The following CUX1 variants were observed in gnomAD, a reference collection of about 807,000 sequenced individuals.
The protein encoded by CUX1 is cut like homeobox 1.
In CUX1, 31 loss-of-function variants were observed where a neutral mutation model predicts 158.8. The ratio of observed to expected loss-of-function variants is 0.20; its 90% CI spans 0.15 to 0.26. CUX1 has a LOEUF of 0.26. Ranked by LOEUF, CUX1 falls within the 10% of genes least tolerant of loss-of-function variation. CUX1 has a pLI of 1.00. For missense variants in CUX1, 1,589 were observed against 2,014.6 expected (o/e 0.79, Z 4.04); for synonymous variants, 879 against 862.1 (o/e 1.02, Z -0.34).
At chr7:102,131,108 CAAA>C (rs575289482) in intron 8 of CUX1, among the ~76,000 whole-genome samples, 12 of 65,720 alleles carry the variant, frequency 1.8e-4, no homozygotes, top group African/African-American at 4.2e-4. Flanking sequence ...GACTCCATCT[CAAA>C]AAAAAAAAAA....
chr7:101,945,538 G>A (rs1259597731), intron 2 of CUX1, among the ~76,000 whole-genome samples: 2 of 152,168 alleles, frequency 1.3e-5, no homozygotes, highest in African/African-American at 2.4e-5. Flanking sequence ...CCCAGGTGCC[G>A]GGGAGGCAGG....
At chr7:102,068,343 C>G (rs1483911783) in intron 3 of CUX1, among the ~76,000 whole-genome samples, 1 of 151,874 alleles carries the variant, frequency 6.6e-6, no homozygotes, top group African/African-American at 2.4e-5. Context: ...TCTTGAACTC[C>G]CGGGCTCAAG....
intron 2 of CUX1, among the ~76,000 whole-genome samples, chr7:102,022,623 AAAAAAG>A (rs1474876375): frequency 8.6e-5 from 13 of 152,018 alleles, no homozygotes; most frequent in East Asian, 3.9e-4. Context: ...CAAAAAAAAA[AAAAAAG>A]AAAAGAAAAA....
intron 8 of CUX1, among the ~76,000 whole-genome samples, chr7:102,128,615 A>C (rs1713220388): frequency 1.3e-5 from 2 of 151,532 alleles, no homozygotes; most frequent in Admixed American, 1.3e-4. Context: ...ACCTGGGTTT[A>C]ATTCCCAACT....
In CUX1 at chr7:101,985,471, G is replaced by A. The variant is rs115390630; in HGVS notation, c.142-42627G>A. ...AAGGTAGTGCCTGCAGGACTGCTGT[G>A]CATGTGGCTGTTTGACACCATGCCG... is the stretch of plus-strand genomic sequence containing the variant. On this transcript the variant is annotated intron_variant, in intron 2 of 23. Coordinates refer to ENST00000292535, the MANE Select transcript of CUX1 (RefSeq NM_181552.4). 8.0e-3 allele frequency among the ~76,000 whole-genome samples: 1,221 copies of A among 152,328 alleles called. 16 individuals carry two copies. Among genetic ancestry groups the A allele is most frequent in the African/African-American group, 0.028 (1,161 of 41,564 alleles).
chr7:102,229,094 C>T (rs1442153554), intron 21 of CUX1, among the ~76,000 whole-genome samples: 1 of 152,178 alleles, frequency 6.6e-6, no homozygotes, highest in Non-Finnish European at 1.5e-5. Flanking sequence ...CGCTGCCTTG[C>T]GAAGCCATCT....
intron 11 of CUX1, among the ~76,000 whole-genome samples, chr7:102,189,365 CG>C (rs369231220): frequency 8.1e-4 from 49 of 60,406 alleles, no homozygotes; most frequent in South Asian, 1.6e-3. Context: ...TTTTTGGGTG[CG>C]GGGGGGGATG....
chr7:101,847,197 C>T (rs565334466), intron 1 of CUX1, among the ~76,000 whole-genome samples: 2 of 152,262 alleles, frequency 1.3e-5, no homozygotes, highest in Non-Finnish European at 2.9e-5. Flanking sequence ...GTAGTATTTT[C>T]ACCAACGCTG....
chr7:102,272,148 T>C (rs1791263100), intron 14 of CUX1, among the ~76,000 whole-genome samples: 2 of 152,354 alleles, frequency 1.3e-5, no homozygotes, highest in South Asian at 2.1e-4. Context: ...GCCTCCGTTC[T>C]TTGACTGTAA....
At chr7:101,943,078 C>CTTTTTTTTTTTTTTTTTTTTTTTTTT (rs58332486) in intron 2 of CUX1, among the ~76,000 whole-genome samples, 1 of 80,332 alleles carries the variant, frequency 1.2e-5, no homozygotes, top group African/African-American at 5.1e-5. Flanking sequence ...CTGGTCAGTG[C>CTTTTTTTTTTTTTTTTTTTTTTTTTT]TTTTTTTTTT....
At chr7:102,179,244 C>T (rs548030295) in intron 11 of CUX1, among the ~76,000 whole-genome samples, 25 of 152,256 alleles carry the variant, frequency 1.6e-4, no homozygotes, top group African/African-American at 5.8e-4. Context: ...GATGGGGTTT[C>T]GCCACATTGG....
chr7:102,073,092 T>C (rs372711), intron 4 of CUX1, among the ~76,000 whole-genome samples: 125,979 of 150,442 alleles, frequency 0.84, 52,904 homozygotes, highest in East Asian at 0.99. Flanking sequence ...AAGACTGGCT[T>C]ACTTCATCTT....
At chr7:101,974,085 T>C in intron 2 of CUX1, among the ~76,000 whole-genome samples, 1 of 151,716 alleles carries the variant, frequency 6.6e-6, no homozygotes. Context: ...TTTTTTTTTT[T>C]TTTGAGATAG....
At chr7:102,216,792 TCTCCCACACACACCCCCACAC>T (rs1554525006) in intron 20 of CUX1, among the ~76,000 whole-genome samples, 1 of 31,158 alleles carries the variant, frequency 3.2e-5, no homozygotes, top group East Asian at 0.013. Flanking sequence ...ACACACACAC[TCTCCCACACACACCCCCACAC>T]ACACTCTCCC....
chr7:101,967,522 T>C lies in CUX1; in HGVS notation c.141+51297T>C, dbSNP rs111704975. ...TGTGTGATGTTCATTGAATGCAAAT[T>C]CTTTCGCAAATAATGGCCTGCAACT... On this transcript the variant is annotated intron_variant, in intron 2 of 23. Coordinates refer to ENST00000292535, the MANE Select transcript of CUX1 (RefSeq NM_181552.4). 6.6e-5 allele frequency among the ~76,000 whole-genome samples: 10 copies of C among 152,334 alleles called. 1 individual carries two copies. The highest frequency in any genetic ancestry group is 2.4e-4 in the African/African-American group (10 of 41,580).
intron 2 of CUX1, among the ~76,000 whole-genome samples, chr7:101,937,449 G>A (rs751631892): frequency 3.3e-5 from 5 of 152,178 alleles, no homozygotes; most frequent in Non-Finnish European, 5.9e-5. Context: ...TGGAAGTGGG[G>A]TGTGAGGAGG....
At chr7:102,278,466 C>T (rs1649413292) in intron 18 of CUX1, among the ~76,000 whole-genome samples, 1 of 151,920 alleles carries the variant, frequency 6.6e-6, no homozygotes, top group Non-Finnish European at 1.5e-5. Context: ...GTGGTGCACA[C>T]CTGTAGTCCC....
At chr7:101,892,322 A>G (rs1800964520) in intron 1 of CUX1, among the ~76,000 whole-genome samples, 1 of 152,260 alleles carries the variant, frequency 6.6e-6, no homozygotes, top group Non-Finnish European at 1.5e-5. Flanking sequence ...GTTGGCATCA[A>G]GAATCTTTTA....
chr7:102,062,535 C>G (rs1825008325), intron 3 of CUX1, among the ~76,000 whole-genome samples: 1 of 152,142 alleles, frequency 6.6e-6, no homozygotes, highest in South Asian at 2.1e-4. Flanking sequence ...TTATTTGAGA[C>G]AGGGTCTCAC....
Sources: allele counts gnomAD v4.1 joint callset (sites outside exome capture counted in the v4.1 genomes callset), GRCh38; gene constraint gnomAD v4.1.1; transcripts MANE v1.5; gene names NCBI Gene and HGNC (gene_info 2026-07-23, HGNC 2026-07-21).